The following CDH23 variants were observed in gnomAD, a reference collection of about 807,000 sequenced individuals.
CDH23 encodes cadherin-23.
A neutral mutation model predicts 317.1 loss-of-function variants in CDH23; 189 were observed. The ratio of observed to expected loss-of-function variants is 0.60; its 90% CI spans 0.53 to 0.67. CDH23 has a LOEUF of 0.67. Among genes scored for constraint, CDH23 ranks in the 30% least tolerant of loss-of-function variants. The pLI is 0.00. For synonymous variants in CDH23, 1,839 were observed against 1,876.8 expected, an observed-to-expected ratio of 0.98 and a Z score of 0.52; for missense variants, 4,401 against 4,592.4, an observed-to-expected ratio of 0.96 and a Z score of 1.20.
At chr10:71,403,399 CTTTCTTTCTCTT>C (rs1564558165) in intron 1 of CDH23, among the ~76,000 whole-genome samples, 3 of 88,676 alleles carry the variant, frequency 3.4e-5, no homozygotes, top group Non-Finnish European at 6.3e-5. Flanking sequence ...TTCTTTCTTT[CTTTCTTTCTCTT>C]CCTTCCTTCC....
At chr10:71,478,505 G>A (rs1180297144) in intron 3 of CDH23, among the ~76,000 whole-genome samples, 1 of 152,210 alleles carries the variant, frequency 6.6e-6, no homozygotes, top group African/African-American at 2.4e-5. Context: ...CGGTTCTCCT[G>A]GAGCATCCTG....
intron 8 of CDH23, among the ~76,000 whole-genome samples, chr10:71,577,173 C>T (rs1412905882): frequency 6.6e-6 from 1 of 152,168 alleles, no homozygotes; most frequent in Non-Finnish European, 1.5e-5. Flanking sequence ...GCTGTCTGCT[C>T]AGATGTTCTT....
chr10:71,605,892 G>A (rs755980478), intron 9 of CDH23, among the ~76,000 whole-genome samples: 1 of 152,202 alleles, frequency 6.6e-6, no homozygotes, highest in Non-Finnish European at 1.5e-5. Flanking sequence ...CCATGGCAGT[G>A]TAAAGGTTTT....
intron 6 of CDH23, among the ~76,000 whole-genome samples, chr10:71,532,095 G>T (rs781093816): frequency 6.6e-6 from 1 of 152,120 alleles, no homozygotes; most frequent in African/African-American, 2.4e-5. Flanking sequence ...GGAAGGAGGG[G>T]CTGAGACTCC....
chr10:71,712,618 CCTCT>C, intron 27 of CDH23, 43 bp from the exon 28 acceptor site: 1 of 1,604,532 alleles, frequency 6.2e-7, no homozygotes, highest in South Asian at 1.1e-5. Flanking sequence ...GAAGTGTGCC[CCTCT>C]CTCAGGCAGC....
intron 3 of CDH23, among the ~76,000 whole-genome samples, chr10:71,477,005 A>C (rs1851825874): frequency 6.6e-6 from 1 of 152,124 alleles, no homozygotes; most frequent in South Asian, 2.1e-4. Flanking sequence ...TCTGTGCAGC[A>C]TCCCACATGA....
intron 6 of CDH23, among the ~76,000 whole-genome samples, chr10:71,515,382 TCTCTCTCTCTCTCACACA>T (rs1301102881): frequency 4.0e-5 from 5 of 124,786 alleles, no homozygotes; most frequent in African/African-American, 1.8e-4. Flanking sequence ...TCTCTCTCTC[TCTCTCTCTCTCTCACACA>T]CACACACACA....
At chr10:71,734,417 C>A (rs1433111815) in intron 33 of CDH23, 76 bp downstream of exon 33, 5 of 1,504,862 alleles carry the variant, frequency 3.3e-6, no homozygotes, top group Non-Finnish European at 4.5e-6. Flanking sequence ...CATGTCCTCG[C>A]CAGCCACCCA....
intron 28 of CDH23, chr10:71,717,730 C>T (rs1290866936): frequency 1.3e-5 from 2 of 152,220 alleles, no homozygotes; most frequent in African/African-American, 4.8e-5. Context: ...AGTGCAGGCC[C>T]AGTGTGGTCA....
intron 3 of CDH23, among the ~76,000 whole-genome samples, chr10:71,508,701 A>G (rs1351640290): frequency 6.6e-6 from 1 of 152,198 alleles, no homozygotes; most frequent in Non-Finnish European, 1.5e-5. Context: ...CTCATTTTAT[A>G]GGGGAAACTG....
intron 20 of CDH23, among the ~76,000 whole-genome samples, chr10:71,690,808 G>A (rs1301948376): frequency 1.3e-5 from 2 of 152,214 alleles, no homozygotes; most frequent in Non-Finnish European, 1.5e-5. Context: ...GTCTTTCAAG[G>A]GTGAAGAGTT....
chr10:71,443,904 C>T (rs1198206817), intron 2 of CDH23, among the ~76,000 whole-genome samples: 1 of 152,268 alleles, frequency 6.6e-6, no homozygotes, highest in Non-Finnish European at 1.5e-5. Context: ...GCAGGCGACC[C>T]ACGTCCCGGA....
chr10:71,746,181 G>A (rs146436108), intron 38 of CDH23, among the ~76,000 whole-genome samples: 4 of 152,362 alleles, frequency 2.6e-5, no homozygotes, highest in East Asian at 3.9e-4. Flanking sequence ...TAGAGTGCTA[G>A]GAGCCTGGAA....
chr10:71,734,847 C>G (rs1156457629), intron 34 of CDH23, among the ~76,000 whole-genome samples, 189 bp downstream of exon 34: 1 of 152,254 alleles, frequency 6.6e-6, no homozygotes, highest in Admixed American at 6.5e-5. Flanking sequence ...TGTCCCCTGC[C>G]TCCAACTCTG....
intron 1 of CDH23, among the ~76,000 whole-genome samples, chr10:71,421,745 GA>G: frequency 6.6e-6 from 1 of 152,266 alleles, no homozygotes; most frequent in South Asian, 2.1e-4. Context: ...GTAAAGGTTA[GA>G]AAGTAGTTAC....
At chr10:71,475,528 C>G (rs1231284997) in intron 3 of CDH23, among the ~76,000 whole-genome samples, 1 of 152,222 alleles carries the variant, frequency 6.6e-6, no homozygotes. Flanking sequence ...GGGGAAGAGC[C>G]TTCAGGCGTG....
intron 30 of CDH23, among the ~76,000 whole-genome samples, chr10:71,728,433 C>A (rs1346583570): frequency 3.9e-5 from 6 of 152,192 alleles, no homozygotes; most frequent in Admixed American, 3.9e-4. Flanking sequence ...ACCCTCCCCA[C>A]CCCAGAGTCC....
chr10:71,669,595 G>C (rs1355144196), intron 14 of CDH23, among the ~76,000 whole-genome samples: 1 of 152,068 alleles, frequency 6.6e-6, no homozygotes, highest in African/African-American at 2.4e-5. Context: ...TTACAGGCAT[G>C]TGCCACTATG....
chr10:71,732,326 C>T lies in CDH23; in HGVS notation c.4055C>T (p.Ala1352Val), dbSNP rs759595100. Residue 1352 changes from alanine to valine, a missense_variant, in exon 32 of 70, where the codon GCC (alanine) becomes GTC (valine). Ala to Val is a moderately conservative substitution (Grantham distance 64). Around this residue, in one of 3 missense-constraint regions of CDH23, gnomAD observed 3,068 missense variants for 3,203.3 expected, o/e 0.96. Transcript: ENST00000224721. Reference sequence around the variant, plus strand: ...AACCAAATCACGTACCGCTTCAACGCCTACACCAGCACCCAGGCCAAAGCC... The same window carrying T: ...AACCAAATCACGTACCGCTTCAACGTCTACACCAGCACCCAGGCCAAAGCC... ...NLNQITYRFNAYTSTQAKALF... is the reference protein window; with the variant it reads ...NLNQITYRFNVYTSTQAKALF... The T allele has an allele frequency of 1.9e-5, 31 of 1,592,894 alleles. No individual in the cohort carries two copies. The highest frequency in any genetic ancestry group is 2.6e-5 in the Non-Finnish European group (30 of 1,169,496).
Sources: gnomAD v4.1 joint callset for allele counts (sites outside exome capture counted in the v4.1 genomes callset) on GRCh38, gnomAD v4.1.1 for gene constraint, gnomAD v4.1.1 regional missense constraint, MANE v1.5 for transcripts, NCBI Gene and HGNC (gene_info 2026-07-23, HGNC 2026-07-21) for gene names.